Variants in NKAIN2 observed in about 807,000 individuals in gnomAD.
NKAIN2 encodes the protein sodium/potassium transporting ATPase interacting 2.
A neutral mutation model predicts 32.6 loss-of-function variants in NKAIN2; 14 were observed. The ratio of observed to expected loss-of-function variants is 0.43; its 90% CI spans 0.28 to 0.67. The LOEUF (loss-of-function observed/expected upper bound fraction) is 0.67. NKAIN2 is among the 30% of genes least tolerant of loss of function. NKAIN2 has a pLI of 0.17. For synonymous variants in NKAIN2, 80 were observed against 87.2 expected (o/e 0.92, Z 0.46); for missense variants, 198 against 258.3 (o/e 0.77, Z 1.60).
intron 3 of NKAIN2, among the ~76,000 whole-genome samples, chr6:124,446,726 A>G (rs1287456821): frequency 6.6e-6 from 1 of 151,996 alleles, no homozygotes; most frequent in East Asian, 1.9e-4. Flanking sequence ...TCTCTATGAA[A>G]CGTGGCATCT....
intron 4 of NKAIN2, among the ~76,000 whole-genome samples, chr6:124,744,615 A>C (rs1033996942): frequency 2.0e-5 from 3 of 151,740 alleles, no homozygotes; most frequent in African/African-American, 7.2e-5. Flanking sequence ...CTTATAATCT[A>C]AAATTTAGTT....
chr6:124,302,951 C>G (rs1199672743), intron 2 of NKAIN2, among the ~76,000 whole-genome samples: 1 of 152,160 alleles, frequency 6.6e-6, no homozygotes, highest in Non-Finnish European at 1.5e-5. Flanking sequence ...TCCCAGGCTT[C>G]TGCACAGAGT....
At chr6:124,712,098 C>T (rs926468580) in intron 4 of NKAIN2, among the ~76,000 whole-genome samples, 1 of 151,558 alleles carries the variant, frequency 6.6e-6, no homozygotes, top group Admixed American at 6.6e-5. Flanking sequence ...CAGTGTGCCC[C>T]TGCTGGGGGG....
intron 3 of NKAIN2, among the ~76,000 whole-genome samples, chr6:124,585,724 T>C (rs1378871597): frequency 6.7e-6 from 1 of 149,644 alleles, no homozygotes; most frequent in Non-Finnish European, 1.5e-5. Flanking sequence ...ATAAAAAGCA[T>C]AAGTTATTAT....
chr6:124,008,981 A>G (rs78439753), intron 1 of NKAIN2, among the ~76,000 whole-genome samples: 2,231 of 152,276 alleles, frequency 0.015, 31 homozygotes, highest in Non-Finnish European at 0.022. Flanking sequence ...AGATTTGGGC[A>G]TGTACTTTAA....
At chr6:123,857,329 T>G (rs1270868021) in intron 1 of NKAIN2, among the ~76,000 whole-genome samples, 1 of 152,118 alleles carries the variant, frequency 6.6e-6, no homozygotes, top group Non-Finnish European at 1.5e-5. Flanking sequence ...AATGTGTATA[T>G]TATTTACTTG....
At chr6:124,549,914 A>C (rs1050097915) in intron 3 of NKAIN2, among the ~76,000 whole-genome samples, 3 of 152,192 alleles carry the variant, frequency 2.0e-5, no homozygotes, top group Middle Eastern at 3.2e-3. Context: ...GGTGTCTTCC[A>C]TGAGTCTCCG....
chr6:123,835,920 A>T (rs1186038883), intron 1 of NKAIN2, among the ~76,000 whole-genome samples: 1 of 152,168 alleles, frequency 6.6e-6, no homozygotes, highest in Non-Finnish European at 1.5e-5. Flanking sequence ...ATTTATAAGC[A>T]TTAAATCAAA....
chr6:124,119,988 C>T (rs1030620529), intron 1 of NKAIN2, among the ~76,000 whole-genome samples: 6 of 151,920 alleles, frequency 3.9e-5, no homozygotes, highest in Admixed American at 2.6e-4. Context: ...CCCAGAGTAA[C>T]GTAAAGTCAG....
chr6:124,574,129 G>T (rs1283278676), intron 3 of NKAIN2, among the ~76,000 whole-genome samples: 2 of 152,174 alleles, frequency 1.3e-5, no homozygotes, highest in Non-Finnish European at 1.5e-5. Context: ...GCATGTAGTG[G>T]AGGCAGCTGC....
chr6:124,779,069 C>A (rs1382312979), intron 4 of NKAIN2, among the ~76,000 whole-genome samples: 4 of 151,938 alleles, frequency 2.6e-5, no homozygotes, highest in African/African-American at 9.7e-5. Flanking sequence ...AACTTCCTCT[C>A]TACTAAAAAA....
At chr6:124,138,379 C>T (rs952923181) in intron 1 of NKAIN2, among the ~76,000 whole-genome samples, 2 of 152,082 alleles carry the variant, frequency 1.3e-5, no homozygotes, top group African/African-American at 4.8e-5. Context: ...AACACTTCTA[C>T]ACTGCTGGTG....
intron 3 of NKAIN2, among the ~76,000 whole-genome samples, chr6:124,614,845 G>C (rs190278970): frequency 6.6e-6 from 1 of 152,088 alleles, no homozygotes; most frequent in East Asian, 1.9e-4. Context: ...ACTGCTCTTC[G>C]TTTCATTCCC....
intron 3 of NKAIN2, among the ~76,000 whole-genome samples, chr6:124,481,539 C>A (rs1023241500): frequency 2.6e-5 from 4 of 152,154 alleles, no homozygotes; most frequent in African/African-American, 7.2e-5. Context: ...CCTGCTAATA[C>A]ATCCATTGGT....
chr6:123,810,474 G>A (rs1310055257), intron 1 of NKAIN2, among the ~76,000 whole-genome samples: 1 of 152,156 alleles, frequency 6.6e-6, no homozygotes. Context: ...TGAGCAGCTG[G>A]TGTATGGACT....
intron 1 of NKAIN2, among the ~76,000 whole-genome samples, chr6:123,939,579 G>A (rs1376946322): frequency 1.3e-5 from 2 of 151,830 alleles, no homozygotes; most frequent in Non-Finnish European, 2.9e-5. Context: ...GTAGTTTACT[G>A]GGAATAATGC....
At chr6:123,902,118 C>T (rs1412961201) in intron 1 of NKAIN2, among the ~76,000 whole-genome samples, 1 of 152,068 alleles carries the variant, frequency 6.6e-6, no homozygotes, top group Non-Finnish European at 1.5e-5. Context: ...AAGGGCATAA[C>T]TTATCAAATG....
At chr6:124,315,926 G>A (rs986572500) in intron 2 of NKAIN2, among the ~76,000 whole-genome samples, 6 of 152,040 alleles carry the variant, frequency 3.9e-5, no homozygotes, top group African/African-American at 1.4e-4. Flanking sequence ...AAGTTAAAAT[G>A]TTCTTATGAC....
Position 124,178,383 on chromosome 6 carries a change from C to T in NKAIN2, c.55-104622C>T, listed in dbSNP as rs531477635. Among the ~76,000 whole-genome samples, 661 of 151,852 alleles carry T rather than the reference C, an allele frequency of 4.4e-3. 4 individuals carry two copies. The highest frequency in any genetic ancestry group is 9.8e-3 in the African/African-American group (405 of 41,370). On this transcript the variant is annotated intron_variant, in intron 1 of 6. Transcript: ENST00000368417. ...CATGATCTAGGCTCACTGCAAGCTCCGCCTCCTGGGTTCACGCCATTCTCC... is the reference window on the plus strand; with the variant it reads ...CATGATCTAGGCTCACTGCAAGCTCTGCCTCCTGGGTTCACGCCATTCTCC...
Sources: gnomAD v4.1 joint callset for allele counts (sites outside exome capture counted in the v4.1 genomes callset) on GRCh38, gnomAD v4.1.1 for gene constraint, MANE v1.5 for transcripts, NCBI Gene and HGNC (gene_info 2026-07-23, HGNC 2026-07-21) for gene names.